MGA: variants seen among roughly 807,000 people sequenced by gnomAD.
MGA encodes MAX dimerization protein MGA.
A neutral mutation model predicts 261.1 loss-of-function variants in MGA; 40 were observed. The observed-to-expected ratio is 0.15, with a 90% CI of 0.12 to 0.20. The LOEUF is 0.20. Among genes scored for constraint, MGA ranks in the 10% least tolerant of loss-of-function variants. The pLI is 1.00. For synonymous variants in MGA, 1,302 were observed against 1,290.6 expected (o/e 1.01, Z -0.19); for missense variants, 3,397 against 3,630.5 (o/e 0.94, Z 1.65).
intron 5 of MGA, among the ~76,000 whole-genome samples, chr15:41,699,452 T>C (rs921320327): frequency 9.9e-5 from 15 of 152,176 alleles, no homozygotes; most frequent in African/African-American, 3.6e-4. Context: ...CCTGGTATTC[T>C]CCCCTTCCCG....
In MGA at chr15:41,749,962, G is replaced by A. The variant is rs1407173748; in HGVS notation, c.6355G>A (p.Gly2119Arg). The A allele has an allele frequency of 2.5e-6, 4 of 1,612,970 alleles. No individual in the cohort carries two copies. In the East Asian group the frequency reaches 8.9e-5, roughly 36 times the overall value. The change falls in exon 17 of 24, where the codon GGA becomes AGA. Residue 2119 changes from glycine (G) to arginine (R), a missense_variant. This residue lies in a region of MGA where 1,410 missense variants were observed against 1,386.4 expected (regional missense o/e 1.02). Coordinates refer to ENST00000219905, the MANE Select transcript of MGA (RefSeq NM_001164273.2). ...TGATGTGAAGGTGGAACAGCAGAAA[G>A]GATTTGACAATCCAGAAGAAAACTC...
chr15:41,683,979 A>G (rs1009327023), intron 2 of MGA, among the ~76,000 whole-genome samples: 1 of 151,954 alleles, frequency 6.6e-6, no homozygotes, highest in Non-Finnish European at 1.5e-5. Flanking sequence ...TGTGCAGGTT[A>G]GTTACATACG....
chr15:41,718,358 T>C, intron 9 of MGA: 1 of 551,024 alleles, frequency 1.8e-6, no homozygotes, highest in Non-Finnish European at 3.0e-6. Context: ...TTTAGTTAGG[T>C]TCTTAAGAAG....
At chr15:41,744,214 A>ATT (rs1044819361) in intron 15 of MGA, among the ~76,000 whole-genome samples, 270 of 151,662 alleles carry the variant, frequency 1.8e-3, no homozygotes, top group African/African-American at 6.2e-3. Context: ...ATATATATAT[A>ATT]TTTTTTTGAG....
chr15:41,659,374 A>C (rs1899820), upstream of MGA, among the ~76,000 whole-genome samples: 119,237 of 152,096 alleles, frequency 0.78, 47,255 homozygotes, highest in East Asian at 0.89. Context: ...GTATTGTCAC[A>C]TAGCATGTCA....
chr15:41,686,590 G>A (rs751409037), intron 2 of MGA, among the ~76,000 whole-genome samples: 1 of 152,002 alleles, frequency 6.6e-6, no homozygotes, highest in Non-Finnish European at 1.5e-5. Context: ...AACTCATTCT[G>A]TATTTTTTAT....
chr15:41,712,951 A>C (rs188429492), intron 8 of MGA, among the ~76,000 whole-genome samples, 200 bp from the exon 9 acceptor site: 1 of 152,224 alleles, frequency 6.6e-6, no homozygotes, highest in Non-Finnish European at 1.5e-5. Flanking sequence ...AGTTTTGCCC[A>C]TAATTGTCTG....
intron 1 of MGA, among the ~76,000 whole-genome samples, chr15:41,634,800 A>G (rs2056665635): frequency 1.3e-5 from 2 of 152,178 alleles, no homozygotes; most frequent in Admixed American, 6.6e-5. Context: ...ATGAAGTTAA[A>G]GAGAGGGAGG....
chr15:41,651,424 T>C (rs2150713697), intron 1 of MGA, among the ~76,000 whole-genome samples: 1 of 152,286 alleles, frequency 6.6e-6, no homozygotes, highest in Middle Eastern at 3.4e-3. Flanking sequence ...TAGCCACTGA[T>C]TGCAATGTCT....
chr15:41,678,825 C>T (rs979371430), intron 2 of MGA, among the ~76,000 whole-genome samples: 4 of 150,966 alleles, frequency 2.6e-5, no homozygotes, highest in Non-Finnish European at 4.4e-5. Flanking sequence ...ATGGTCTTTG[C>T]ACCTGTTGAA....
chr15:41,688,253 T>A (rs2059074324), intron 2 of MGA, among the ~76,000 whole-genome samples: 1 of 152,112 alleles, frequency 6.6e-6, no homozygotes. Context: ...TTTTTTGTAT[T>A]TTAGTAGAGA....
chr15:41,716,313 G>C (rs1162380038), intron 9 of MGA, among the ~76,000 whole-genome samples: 2 of 151,938 alleles, frequency 1.3e-5, no homozygotes, highest in African/African-American at 4.8e-5. Flanking sequence ...AATTAGCCAG[G>C]CGTGGTGGCG....
At chr15:41,755,376 A>C (rs1337370047) in intron 18 of MGA, among the ~76,000 whole-genome samples, 3 of 152,224 alleles carry the variant, frequency 2.0e-5, no homozygotes, top group Admixed American at 1.3e-4. Flanking sequence ...TTTGCAGGCT[A>C]CTTCAGTTAC....
At chr15:41,704,535 G>T (rs760155400) in intron 5 of MGA, among the ~76,000 whole-genome samples, 6 of 152,154 alleles carry the variant, frequency 3.9e-5, no homozygotes, top group Admixed American at 2.0e-4. Flanking sequence ...GTGGGCACCT[G>T]TAGTCCCAGC....
At chr15:41,761,670 G>T (rs1433121887) in intron 20 of MGA, 69 bp from the exon 21 acceptor site, 5 of 880,842 alleles carry the variant, frequency 5.7e-6, no homozygotes, top group Non-Finnish European at 8.5e-6. Context: ...TAGAGAAATT[G>T]TATAGGCCTT....
chr15:41,634,802 AGAGGGAGG>A (rs1316318359), intron 1 of MGA, among the ~76,000 whole-genome samples: 4 of 152,152 alleles, frequency 2.6e-5, no homozygotes, highest in African/African-American at 9.7e-5. Context: ...GAAGTTAAAG[AGAGGGAGG>A]GAGGGTTATG....
chr15:41,740,007 A>G (rs1595925725), intron 13 of MGA: 3 of 1,613,690 alleles, frequency 1.9e-6, no homozygotes. Flanking sequence ...GCAGGTTGCG[A>G]CCCTCAGTCC....
intron 2 of MGA, among the ~76,000 whole-genome samples, chr15:41,681,397 CTGT>C (rs1036861094): frequency 3.1e-5 from 4 of 127,438 alleles, no homozygotes; most frequent in African/African-American, 8.3e-5. Flanking sequence ...GTAGTATACT[CTGT>C]TTTTTTTTTT....
chr15:41,702,557 T>A (rs2059907957), intron 5 of MGA, among the ~76,000 whole-genome samples: 1 of 152,216 alleles, frequency 6.6e-6, no homozygotes, highest in African/African-American at 2.4e-5. Context: ...CAGTTAAACT[T>A]CTTCTGAGCT....
Sources: gnomAD v4.1 joint callset for allele counts (sites outside exome capture counted in the v4.1 genomes callset) on GRCh38, gnomAD v4.1.1 for gene constraint, gnomAD v4.1.1 regional missense constraint, MANE v1.5 for transcripts, NCBI Gene and HGNC (gene_info 2026-07-23, HGNC 2026-07-21) for gene names.